The following ANLN variants were observed in gnomAD, a reference collection of about 807,000 sequenced individuals.
The protein encoded by ANLN is anillin.
ANLN carries 59 observed loss-of-function variants against 135.1 expected under a neutral mutation model. That is an observed-to-expected ratio of 0.44 (90% CI 0.35 to 0.54). The LOEUF is 0.54. Among genes scored for constraint, ANLN ranks in the 20% least tolerant of loss-of-function variants. The pLI is 0.00. For synonymous variants in ANLN, 406 were observed against 456.4 expected, an observed-to-expected ratio of 0.89 and a Z score of 1.41; for missense variants, 1,182 against 1,340.0, an observed-to-expected ratio of 0.88 and a Z score of 1.84.
chr7:36,429,675 G>A (rs908665641), intron 20 of ANLN, among the ~76,000 whole-genome samples: 1 of 152,000 alleles, frequency 6.6e-6, no homozygotes, highest in African/African-American at 2.4e-5. Flanking sequence ...GGGATTTTAC[G>A]AACTGTGTTT....
At chr7:36,427,189 G>GTT (rs34986676) in intron 20 of ANLN, among the ~76,000 whole-genome samples, 161 bp downstream of exon 20, 29 of 128,510 alleles carry the variant, frequency 2.3e-4, no homozygotes, top group African/African-American at 2.3e-4. Flanking sequence ...GTACCTAAAT[G>GTT]TTTTTTTTTT....
At chr7:36,433,609 T>TA (rs774278906) in intron 20 of ANLN, among the ~76,000 whole-genome samples, 2 of 152,212 alleles carry the variant, frequency 1.3e-5, no homozygotes, top group African/African-American at 2.4e-5. Context: ...CATTGTCTCT[T>TA]AAAGTTATTT....
At chr7:36,427,954 G>A (rs976349065) in intron 20 of ANLN, among the ~76,000 whole-genome samples, 5 of 152,048 alleles carry the variant, frequency 3.3e-5, no homozygotes, top group South Asian at 4.2e-4. Context: ...TCTGTAGTGC[G>A]AATATAGAGA....
intron 23 of ANLN, 62 bp downstream of exon 23, chr7:36,449,899 C>A (rs1169108872): frequency 1.3e-6 from 2 of 1,495,174 alleles, no homozygotes; most frequent in Non-Finnish European, 1.8e-6. Flanking sequence ...TATGTACTTA[C>A]CACTATGAGA....
At chr7:36,398,773 T>A (rs938144686) in intron 2 of ANLN, among the ~76,000 whole-genome samples, 26 of 147,836 alleles carry the variant, frequency 1.8e-4, no homozygotes, top group African/African-American at 5.7e-4. Flanking sequence ...CCCCTTCCGC[T>A]CTTCCCCCCA....
intron 23 of ANLN, among the ~76,000 whole-genome samples, chr7:36,450,763 T>C (rs1789210462): frequency 2.0e-5 from 3 of 152,198 alleles, no homozygotes; most frequent in Admixed American, 2.0e-4. Flanking sequence ...TTTTGTTTGA[T>C]AGCGACGTGT....
Position 36,452,676 on chromosome 7 carries a change from G to T in ANLN, c.*76G>T. ...CACACTTAAGAGCATCAGATTTACT[G>T]ATTGCATTTTATGCTTTAAGTACGA... On this transcript the variant is annotated 3_prime_UTR_variant, in exon 24 of 24. Transcript: ENST00000265748. 1 of 1,553,010 alleles carries T rather than the reference G, an allele frequency of 6.4e-7. No individual in the cohort carries two copies. Among genetic ancestry groups the T allele is most frequent in the Non-Finnish European group, 8.8e-7 (1 of 1,137,540 alleles).
intron 22 of ANLN, among the ~76,000 whole-genome samples, chr7:36,446,044 A>G (rs1481259273): frequency 1.3e-5 from 2 of 152,062 alleles, no homozygotes; most frequent in Admixed American, 1.3e-4. Flanking sequence ...TTGTCTCTAT[A>G]TTATTCATTT....
At chr7:36,399,777 G>C (rs111409308) in intron 3 of ANLN, among the ~76,000 whole-genome samples, 66 of 152,278 alleles carry the variant, frequency 4.3e-4, no homozygotes, top group Non-Finnish European at 7.4e-4. Flanking sequence ...ATGCAATGCT[G>C]TTCAGTAGGG....
intron 22 of ANLN, among the ~76,000 whole-genome samples, chr7:36,448,353 A>G (rs1789104422): frequency 6.6e-6 from 1 of 152,212 alleles, no homozygotes; most frequent in Non-Finnish European, 1.5e-5. Flanking sequence ...TCAAATGTAC[A>G]CAAAGCAAAA....
At chr7:36,439,829 G>C (rs1788693567) in intron 21 of ANLN, among the ~76,000 whole-genome samples, 1 of 152,210 alleles carries the variant, frequency 6.6e-6, no homozygotes, top group Non-Finnish European at 1.5e-5. Flanking sequence ...TGTGATTGGT[G>C]GGTGGGGAAT....
chr7:36,448,379 TTC>T (rs1330889462), intron 22 of ANLN, among the ~76,000 whole-genome samples: 1 of 152,188 alleles, frequency 6.6e-6, no homozygotes, highest in African/African-American at 2.4e-5. Context: ...ATAATGAACT[TTC>T]AGCTTAATTA....
At chr7:36,444,640 A>G (rs1041089302) in intron 22 of ANLN, among the ~76,000 whole-genome samples, 1 of 152,150 alleles carries the variant, frequency 6.6e-6, no homozygotes. Context: ...AACATTATTT[A>G]TTATCCCCAA....
At chr7:36,419,579 G>A in intron 10 of ANLN, 100 bp downstream of exon 10, 1 of 998,820 alleles carries the variant, frequency 1.0e-6, no homozygotes, top group East Asian at 2.6e-5. Context: ...TGGCTCAGTA[G>A]CCAAGGGAAT....
chr7:36,449,696 G>A lies in ANLN; in HGVS notation c.3110G>A (p.Cys1037Tyr). The change falls in exon 23 of 24, where the codon TGT becomes TAT. Residue 1037 changes from cysteine (C) to tyrosine (Y), a missense_variant. Coordinates refer to ENST00000265748, the MANE Select transcript of ANLN (RefSeq NM_018685.5). The stretch of plus-strand genomic sequence containing the variant: ...ATAGGAAGGATAAATCTGGCTAATT[G>A]TACCAGTCGTCAGATAGAACCAGCC... The part of the protein sequence containing the change: ...NPIGRINLAN[C>Y]TSRQIEPANR... 2 of 1,613,230 alleles carry A rather than the reference G, an allele frequency of 1.2e-6. No individual in the cohort carries two copies. The highest frequency in any genetic ancestry group is 1.7e-6 in the Non-Finnish European group (2 of 1,179,592).
At chr7:36,390,072 C>G (rs1308994146) in intron 1 of ANLN, 28 bp downstream of exon 1, 1 of 1,613,218 alleles carries the variant, frequency 6.2e-7, no homozygotes, top group Non-Finnish European at 8.5e-7. Context: ...TGCAGCCAGC[C>G]ATGACCCACC....
At chr7:36,435,320 T>A (rs549743335) in intron 20 of ANLN, among the ~76,000 whole-genome samples, 1 of 152,208 alleles carries the variant, frequency 6.6e-6, no homozygotes, top group African/African-American at 2.4e-5. Flanking sequence ...GTTTTGCTTG[T>A]TCTTGAGCTT....
chr7:36,419,107 T>C, intron 9 of ANLN, 137 bp from the exon 10 acceptor site: 1 of 597,448 alleles, frequency 1.7e-6, no homozygotes, highest in Non-Finnish European at 2.9e-6. Context: ...TATTTTCTTA[T>C]TTTTCTTTTT....
chr7:36,403,902 C>A (rs1239680819), intron 3 of ANLN, among the ~76,000 whole-genome samples: 2 of 152,208 alleles, frequency 1.3e-5, no homozygotes, highest in African/African-American at 4.8e-5. Flanking sequence ...CTCAAGCAAT[C>A]CACCCGCCTT....
Sources: allele counts gnomAD v4.1 joint callset (sites outside exome capture counted in the v4.1 genomes callset), GRCh38; gene constraint gnomAD v4.1.1; transcripts MANE v1.5; gene names NCBI Gene and HGNC (gene_info 2026-07-23, HGNC 2026-07-21).